LGR4: variants seen among roughly 807,000 people sequenced by gnomAD.
LGR4 encodes leucine rich repeat containing G protein-coupled receptor 4, also known as leucine-rich repeat-containing G protein-coupled receptor 4.
LGR4 carries 44 observed loss-of-function variants against 84.8 expected under a neutral mutation model. The observed-to-expected ratio is 0.52, with a 90% CI of 0.41 to 0.67. The LOEUF is 0.67. LGR4 is among the 30% of genes least tolerant of loss of function. LGR4 has a pLI of 0.00. For missense variants in LGR4, 1,032 were observed against 1,131.4 expected, an observed-to-expected ratio of 0.91 and a Z score of 1.26; for synonymous variants, 429 against 434.3, an observed-to-expected ratio of 0.99 and a Z score of 0.15.
At chr11:27,388,516 C>T (rs556935693) in intron 4 of LGR4, among the ~76,000 whole-genome samples, 32 of 152,204 alleles carry the variant, frequency 2.1e-4, no homozygotes, top group Non-Finnish European at 2.8e-4. Flanking sequence ...TCTTGTTAAA[C>T]GGTGAATAAC....
At chr11:27,426,310 G>T (rs548635974) in intron 1 of LGR4, among the ~76,000 whole-genome samples, 1 of 152,262 alleles carries the variant, frequency 6.6e-6, no homozygotes, top group South Asian at 2.1e-4. Context: ...GGAAAAGCAG[G>T]AAAGAGAGTA....
chr11:27,449,911 G>C (rs1173488193), intron 1 of LGR4, among the ~76,000 whole-genome samples: 3 of 152,072 alleles, frequency 2.0e-5, no homozygotes, highest in African/African-American at 7.2e-5. Flanking sequence ...GTGTTCCTTT[G>C]ACTTATTTCT....
At chr11:27,414,195 A>G (rs368129571) in intron 1 of LGR4, among the ~76,000 whole-genome samples, 31 of 152,150 alleles carry the variant, frequency 2.0e-4, no homozygotes, top group African/African-American at 7.2e-4. Flanking sequence ...ACCAGAGCCC[A>G]TGACCTTAAG....
chr11:27,393,939 T>TGGC (rs1491230594), intron 2 of LGR4, among the ~76,000 whole-genome samples: 1 of 10,296 alleles, frequency 9.7e-5, no homozygotes, highest in Non-Finnish European at 3.2e-4. Context: ...CACTGAAGAT[T>TGGC]GGGGGGGGGG....
intron 1 of LGR4, 31 bp downstream of exon 1, chr11:27,472,083 TCCCC>T: frequency 4.0e-6 from 4 of 1,004,352 alleles, no homozygotes; most frequent in Non-Finnish European, 5.0e-6. Context: ...CCCCGTTTCC[TCCCC>T]CCCCCTCGCG....
chr11:27,382,885 C>T (rs1863123688), intron 6 of LGR4, among the ~76,000 whole-genome samples: 1 of 152,058 alleles, frequency 6.6e-6, no homozygotes, highest in East Asian at 1.9e-4. Flanking sequence ...GGCATGGTGG[C>T]ACATGCCTGT....
chr11:27,433,992 G>T (rs1369806128), intron 1 of LGR4, among the ~76,000 whole-genome samples: 1 of 152,204 alleles, frequency 6.6e-6, no homozygotes, highest in Non-Finnish European at 1.5e-5. Context: ...AGGCTCTCAG[G>T]TTCCTCACAG....
chr11:27,392,667 T>A (rs1863307616), intron 2 of LGR4, 149 bp from the exon 3 acceptor site: 1 of 651,174 alleles, frequency 1.5e-6, no homozygotes, highest in East Asian at 2.9e-5. Flanking sequence ...AAACCCTTGC[T>A]AAAATGATCC....
At chr11:27,447,216 TTC>T (rs1486984137) in intron 1 of LGR4, among the ~76,000 whole-genome samples, 2 of 151,960 alleles carry the variant, frequency 1.3e-5, no homozygotes, top group African/African-American at 4.8e-5. Context: ...TTACAAACGA[TTC>T]TGAGCATGAA....
At position 27,391,059 on chromosome 11, in the gene LGR4, C is replaced by T. The variant is rs374711196; in HGVS notation, c.401+35G>A. 6.4e-6 allele frequency: 8 copies of T among 1,259,042 alleles called. No homozygotes were observed. In the African/African-American group the frequency reaches 1.2e-4, roughly 19 times the overall value. 78.0% of individuals were successfully genotyped at this position (1,259,042 alleles called of 1,614,324 possible). A position where few individuals can be genotyped will look rare whatever the true frequency, so the allele number is the denominator to read the frequency against. On this transcript the variant is annotated intron_variant, in intron 4 of 17. Transcript: ENST00000379214. ...TTACATCTTTAACAGCCAGAGTAGT[C>T]TCTTGGTGAGTCAAGAAACCAAGAA... is the stretch of plus-strand genomic sequence containing the variant.
intron 1 of LGR4, among the ~76,000 whole-genome samples, chr11:27,425,419 C>T (rs1246380513): frequency 6.6e-6 from 1 of 151,790 alleles, no homozygotes; most frequent in Non-Finnish European, 1.5e-5. Context: ...CAGCCTCGAC[C>T]TCCTGGTCTC....
chr11:27,407,454 C>T (rs1463204296), intron 2 of LGR4, among the ~76,000 whole-genome samples: 1 of 152,150 alleles, frequency 6.6e-6, no homozygotes. Flanking sequence ...CTCTCTAAAG[C>T]CTCCGTGTCA....
chr11:27,404,960 A>G (rs1385520131), intron 2 of LGR4, among the ~76,000 whole-genome samples: 1 of 152,172 alleles, frequency 6.6e-6, no homozygotes, highest in Admixed American at 6.6e-5. Flanking sequence ...TGGACTGTCT[A>G]GTTCTATCTA....
chr11:27,389,993 C>T (rs569571077), intron 4 of LGR4, among the ~76,000 whole-genome samples: 1 of 152,230 alleles, frequency 6.6e-6, no homozygotes, highest in South Asian at 2.1e-4. Flanking sequence ...AATTGAATGG[C>T]CAACACCGTG....
At chr11:27,458,781 C>T (rs1018348940) in intron 1 of LGR4, among the ~76,000 whole-genome samples, 15 of 152,056 alleles carry the variant, frequency 9.9e-5, no homozygotes, top group Admixed American at 7.2e-4. Context: ...TCAGGTGATC[C>T]GCCCACCTTG....
In LGR4 at chr11:27,376,372, T is replaced by C; in HGVS notation, c.1110-2A>G. The C allele has an allele frequency of 6.8e-7, 1 of 1,465,000 alleles. No individual in the cohort carries two copies. The highest frequency in any genetic ancestry group is 9.3e-7 in the Non-Finnish European group (1 of 1,069,698). The allele number at this position is 1,465,000 out of a possible 1,614,324, so 90.8% of individuals were successfully genotyped here. On this transcript the variant is annotated splice_acceptor_variant, in intron 12 of 17. Transcript: ENST00000379214. LOFTEE classifies it high-confidence loss of function. ...TAGATTTGATTACGCTGTAAAGAAC[T>C]AAATAAAAAAAGAAGAAGAAAGAAG...
chr11:27,437,935 G>C (rs1215329448), intron 1 of LGR4, among the ~76,000 whole-genome samples: 2 of 151,982 alleles, frequency 1.3e-5, no homozygotes, highest in Non-Finnish European at 2.9e-5. Context: ...AGGACAACTT[G>C]AGCTTGCGAG....
intron 1 of LGR4, among the ~76,000 whole-genome samples, chr11:27,455,276 CA>C (rs1864553926): frequency 6.6e-6 from 1 of 152,052 alleles, no homozygotes; most frequent in Admixed American, 6.6e-5. Context: ...CTGGTCAAGT[CA>C]TACAACTAAA....
At chr11:27,408,935 A>G (rs1863660739) in intron 2 of LGR4, among the ~76,000 whole-genome samples, 1 of 152,108 alleles carries the variant, frequency 6.6e-6, no homozygotes, top group Non-Finnish European at 1.5e-5. Context: ...AGAACCTTTC[A>G]TGTACTGAAT....
Sources: allele counts gnomAD v4.1 joint callset (sites outside exome capture counted in the v4.1 genomes callset), GRCh38; gene constraint gnomAD v4.1.1; transcripts MANE v1.5; gene names NCBI Gene and HGNC (gene_info 2026-07-23, HGNC 2026-07-21).